Variants in TAFA1 observed in about 807,000 individuals in gnomAD.
TAFA1 encodes the protein TAFA chemokine like family member 1.
A neutral mutation model predicts 18.5 loss-of-function variants in TAFA1; 4 were observed. The ratio of observed to expected loss-of-function variants is 0.22; its 90% CI spans 0.11 to 0.49. The LOEUF is 0.49. Ranked by LOEUF, TAFA1 falls within the 20% of genes least tolerant of loss-of-function variation. TAFA1 has a pLI of 0.98. For missense variants in TAFA1, 147 were observed against 169.0 expected (o/e 0.87, Z 0.72); for synonymous variants, 56 against 55.2 (o/e 1.01, Z -0.06).
intron 3 of TAFA1, among the ~76,000 whole-genome samples, chr3:68,441,145 C>T (rs536446377): frequency 6.6e-6 from 1 of 152,154 alleles, no homozygotes; most frequent in African/African-American, 2.4e-5. Context: ...TTGGAGGAAA[C>T]ATATTCCTCA....
chr3:68,169,113 G>A (rs938665413), intron 2 of TAFA1, among the ~76,000 whole-genome samples: 9 of 151,964 alleles, frequency 5.9e-5, no homozygotes, highest in African/African-American at 1.9e-4. Flanking sequence ...CCATATATCT[G>A]TGCCCTTCCC....
chr3:68,423,281 C>G (rs903826425), intron 3 of TAFA1, among the ~76,000 whole-genome samples: 2 of 152,032 alleles, frequency 1.3e-5, no homozygotes, highest in Non-Finnish European at 2.9e-5. Context: ...TAACTCTAAC[C>G]CTATAAGGTA....
intron 2 of TAFA1, among the ~76,000 whole-genome samples, chr3:68,160,198 A>G (rs893851008): frequency 1.3e-5 from 2 of 152,248 alleles, no homozygotes; most frequent in Non-Finnish European, 2.9e-5. Context: ...AGCTAATTGT[A>G]GGGCCTCATA....
intron 2 of TAFA1, among the ~76,000 whole-genome samples, chr3:68,413,429 C>G (rs934496418): frequency 6.6e-6 from 1 of 152,124 alleles, no homozygotes; most frequent in Non-Finnish European, 1.5e-5. Flanking sequence ...ATAGGAAAAA[C>G]TCAATAAATG....
chr3:68,164,662 G>GTGT (rs1461518869), intron 2 of TAFA1, among the ~76,000 whole-genome samples: 80 of 47,744 alleles, frequency 1.7e-3, no homozygotes, highest in Non-Finnish European at 2.5e-3. Context: ...TGTGTGTGTG[G>GTGT]GAGGTAGTTA....
intron 2 of TAFA1, among the ~76,000 whole-genome samples, chr3:68,289,856 C>T (rs1559601552): frequency 6.6e-6 from 1 of 152,150 alleles, no homozygotes; most frequent in Non-Finnish European, 1.5e-5. Context: ...CTGAATAATT[C>T]TGTTTGCTGA....
At chr3:68,021,116 G>C (rs1447246881) in intron 2 of TAFA1, among the ~76,000 whole-genome samples, 3 of 138,800 alleles carry the variant, frequency 2.2e-5, no homozygotes, top group African/African-American at 5.3e-5. Context: ...AACCTGGGAG[G>C]CAGAGGCTTC....
chr3:68,011,539 T>C (rs1704471227), intron 2 of TAFA1, among the ~76,000 whole-genome samples: 1 of 152,252 alleles, frequency 6.6e-6, no homozygotes, highest in African/African-American at 2.4e-5. Flanking sequence ...ATTTTTACCT[T>C]ACTATTCAAT....
intron 2 of TAFA1, among the ~76,000 whole-genome samples, chr3:68,057,902 C>T (rs2064555873): frequency 6.6e-6 from 1 of 152,090 alleles, no homozygotes; most frequent in Non-Finnish European, 1.5e-5. Flanking sequence ...TGGATTCTCC[C>T]CTAGAACCTT....
chr3:68,374,179 A>G (rs545113902), intron 2 of TAFA1, among the ~76,000 whole-genome samples: 1 of 152,282 alleles, frequency 6.6e-6, no homozygotes, highest in Non-Finnish European at 1.5e-5. Flanking sequence ...AAATGCTGCT[A>G]TTTAAGAGAC....
At chr3:68,368,481 G>C (rs1327253713) in intron 2 of TAFA1, among the ~76,000 whole-genome samples, 2 of 151,938 alleles carry the variant, frequency 1.3e-5, no homozygotes, top group African/African-American at 4.8e-5. Context: ...GGCCCATGTA[G>C]ATAACATAGT....
chr3:68,033,385 C>A (rs1226322766), intron 2 of TAFA1, among the ~76,000 whole-genome samples: 2 of 152,116 alleles, frequency 1.3e-5, no homozygotes, highest in Admixed American at 6.6e-5. Flanking sequence ...ATCTTTATAT[C>A]CTTTAGGAGC....
At chr3:68,543,532 A>T (rs1348789551) in intron 4 of TAFA1, among the ~76,000 whole-genome samples, 1 of 152,156 alleles carries the variant, frequency 6.6e-6, no homozygotes, top group Non-Finnish European at 1.5e-5. Flanking sequence ...TAACCACTAT[A>T]GCCATCTTGT....
At chr3:68,210,473 C>T (rs922027534) in intron 2 of TAFA1, among the ~76,000 whole-genome samples, 3 of 152,018 alleles carry the variant, frequency 2.0e-5, no homozygotes, top group African/African-American at 7.2e-5. Context: ...GGATCATATC[C>T]TCCAGGATTA....
At chr3:68,437,838 A>G (rs950642195) in intron 3 of TAFA1, among the ~76,000 whole-genome samples, 6 of 152,066 alleles carry the variant, frequency 3.9e-5, no homozygotes, top group Admixed American at 3.9e-4. Flanking sequence ...CTCGCATACA[A>G]ATATATTCAT....
intron 1 of TAFA1, among the ~76,000 whole-genome samples, chr3:68,005,386 TA>T (rs1455893213): frequency 6.6e-6 from 1 of 152,224 alleles, no homozygotes; most frequent in Non-Finnish European, 1.5e-5. Flanking sequence ...GCTTTGCACT[TA>T]ATTATAGTTG....
chr3:68,414,076 G>T (rs1462713999), intron 2 of TAFA1, among the ~76,000 whole-genome samples: 1 of 152,074 alleles, frequency 6.6e-6, no homozygotes, highest in East Asian at 1.9e-4. Flanking sequence ...AGGCCGAGAC[G>T]GGTGGATCAC....
chr3:68,265,059 AT>A (rs1451293208), intron 2 of TAFA1, among the ~76,000 whole-genome samples: 1 of 152,198 alleles, frequency 6.6e-6, no homozygotes, highest in Non-Finnish European at 1.5e-5. Context: ...CTCATATACA[AT>A]TTTGCTGGCA....
At chr3:68,512,199 TTTAC>T (rs2072857279) in intron 3 of TAFA1, among the ~76,000 whole-genome samples, 1 of 152,152 alleles carries the variant, frequency 6.6e-6, no homozygotes, top group Non-Finnish European at 1.5e-5. Context: ...GACTTATCGA[TTTAC>T]TTACTAAGTT....
Sources: allele counts gnomAD v4.1 joint callset (sites outside exome capture counted in the v4.1 genomes callset), GRCh38; gene constraint gnomAD v4.1.1; transcripts MANE v1.5; gene names NCBI Gene and HGNC (gene_info 2026-07-23, HGNC 2026-07-21).